The following GLMN variants were observed in gnomAD, a reference collection of about 807,000 sequenced individuals.
The protein encoded by GLMN is glomulin.
In GLMN, 75 loss-of-function variants were observed where a neutral mutation model predicts 87.8. That is an observed-to-expected ratio of 0.85 (90% CI 0.71 to 1.04). The LOEUF (loss-of-function observed/expected upper bound fraction) is 1.04, where lower values mean the gene tolerates loss of function less well. Among genes scored for constraint, GLMN ranks in the 50% least tolerant of loss-of-function variants. The pLI, the probability that GLMN is intolerant of heterozygous loss-of-function variation, is 0.00. For synonymous variants in GLMN, 206 were observed against 221.6 expected (o/e 0.93, Z 0.63); for missense variants, 588 against 658.8 (o/e 0.89, Z 1.18).
At chr1:92,303,329 A>C (rs1650991939), upstream of GLMN, among the ~76,000 whole-genome samples, 1 of 152,190 alleles carries the variant, frequency 6.6e-6, no homozygotes, top group East Asian at 1.9e-4. Context: ...ATCACTCTCA[A>C]TAAAAAGTAT....
chr1:92,368,433 A>G, the GLMN span, among the ~76,000 whole-genome samples: 1 of 152,180 alleles, frequency 6.6e-6, no homozygotes, highest in South Asian at 2.1e-4. Flanking sequence ...TCCACGAGAT[A>G]AAAAACATAG....
the GLMN span, chr1:92,323,493 A>C: frequency 1.2e-6 from 2 of 1,613,482 alleles, no homozygotes; most frequent in South Asian, 1.1e-5. Flanking sequence ...CCATTAAAAC[A>C]TCAGATATCG....
the GLMN span, chr1:92,333,565 G>C: frequency 1.2e-6 from 1 of 838,286 alleles, no homozygotes; most frequent in Non-Finnish European, 1.9e-6. Flanking sequence ...CTCAGATTTT[G>C]AACATTTTGA....
chr1:92,297,888 A>G, intron 2 of GLMN, 73 bp downstream of exon 2: 1 of 823,556 alleles, frequency 1.2e-6, no homozygotes, highest in East Asian at 2.5e-5. Context: ...AGTGACCACA[A>G]ATATAATTAA....
At chr1:92,305,686 A>G in the GLMN span, among the ~76,000 whole-genome samples, 2 of 152,138 alleles carry the variant, frequency 1.3e-5, no homozygotes, top group African/African-American at 4.8e-5. Context: ...AACTAATAGA[A>G]AAATTTACAC....
chr1:92,264,565 T>C lies in GLMN; in HGVS notation c.1288A>G (p.Met430Val). ...IIQNIKNQID[M>V]SLKRTRNNKW... The stretch of plus-strand genomic sequence containing the variant: ...GGCTATGTTCTTACCTTTAATGACA[T>C]GTCAATTTGATTTTTGATATTTTGA... The change falls in exon 14 of 19, where the codon ATG becomes GTG. Residue 430 changes from methionine (M) to valine (V), a missense_variant. Transcript: ENST00000370360. The C allele has an allele frequency of 6.6e-7, 1 of 1,516,118 alleles. No individual in the cohort carries two copies. Among genetic ancestry groups the C allele is most frequent in the Non-Finnish European group, 9.2e-7 (1 of 1,090,770 alleles). 93.9% of individuals were successfully genotyped at this position (1,516,118 alleles called of 1,614,324 possible).
Position 92,264,652 on chromosome 1 carries a change from T to G in GLMN, c.1215-14A>C, listed in dbSNP as rs181127428. ...TTCAATAAGCACCTTGAAAGCAAAA[T>G]TACAATAGATGTGAAATTATCCTGG... On this transcript the variant is annotated splice_polypyrimidine_tract_variant and intron_variant, in intron 13 of 18. Transcript: ENST00000370360. The G allele has an allele frequency of 1.3e-5, 18 of 1,352,148 alleles. No individual in the cohort carries two copies. Among genetic ancestry groups the G allele is most frequent in the Non-Finnish European group, 1.9e-5 (18 of 941,564 alleles). 83.8% of individuals were successfully genotyped at this position (1,352,148 alleles called of 1,614,324 possible). A position where few individuals can be genotyped will look rare whatever the true frequency, so the allele number is the denominator to read the frequency against.
At chr1:92,281,494 G>A (rs773887676) in intron 7 of GLMN, among the ~76,000 whole-genome samples, 7 of 152,082 alleles carry the variant, frequency 4.6e-5, no homozygotes, top group South Asian at 2.1e-4. Context: ...AGGAACGACC[G>A]GTACCAGCTA....
chr1:92,357,417 G>A, the GLMN span, among the ~76,000 whole-genome samples: 1 of 152,206 alleles, frequency 6.6e-6, no homozygotes, highest in Non-Finnish European at 1.5e-5. Context: ...GGGTTCAAAA[G>A]ACAGAAAGGA....
chr1:92,299,389 G>A (rs1477799144), upstream of GLMN, among the ~76,000 whole-genome samples: 1 of 152,164 alleles, frequency 6.6e-6, no homozygotes, highest in Non-Finnish European at 1.5e-5. Context: ...CCCAGCCTCT[G>A]AGACAAAGGA....
chr1:92,264,607 C>T lies in GLMN; in HGVS notation c.1246G>A (p.Val416Met). ...ATATTTTGAATAATAAAAGCCTCCA[C>T]ACCTGAGTGATTACTTGTATTCAAT... ...CLLNTSNHSG[V>M]EAFIIQNIKN... Residue 416 changes from valine to methionine, a missense_variant, in exon 14 of 19, where the codon GTG becomes ATG. Physicochemically the swap from Val to Met is conservative, Grantham distance 21. Transcript: ENST00000370360. 2 of 1,591,548 alleles carry T rather than the reference C, an allele frequency of 1.3e-6. No individual in the cohort carries two copies. Among genetic ancestry groups the T allele is most frequent in the Middle Eastern group, 1.7e-4 (1 of 6,002 alleles).
chr1:92,255,148 C>A (rs1654049723), intron 16 of GLMN, among the ~76,000 whole-genome samples: 1 of 150,608 alleles, frequency 6.6e-6, no homozygotes, highest in Admixed American at 6.6e-5. Context: ...CATCAAAGAT[C>A]AAAAAAGACA....
At chr1:92,299,886 G>A (rs1256400786), upstream of GLMN, among the ~76,000 whole-genome samples, 2 of 152,172 alleles carry the variant, frequency 1.3e-5, no homozygotes, top group Non-Finnish European at 2.9e-5. Context: ...GCTTAACTGC[G>A]GGGATGCATT....
the GLMN span, among the ~76,000 whole-genome samples, chr1:92,347,771 T>G: frequency 1.3e-5 from 2 of 151,518 alleles, no homozygotes; most frequent in Non-Finnish European, 2.9e-5. Flanking sequence ...CTGTTTGACT[T>G]CTTTAACTTT....
chr1:92,280,625 T>G (rs559161825), intron 7 of GLMN, among the ~76,000 whole-genome samples: 35 of 152,210 alleles, frequency 2.3e-4, no homozygotes, highest in African/African-American at 8.4e-4. Flanking sequence ...GTTTGATGAG[T>G]TGACAGAAGT....
intron 7 of GLMN, among the ~76,000 whole-genome samples, chr1:92,280,655 A>G (rs1647919707): frequency 6.6e-6 from 1 of 152,128 alleles, no homozygotes; most frequent in Non-Finnish European, 1.5e-5. Context: ...AAGGTCGGTA[A>G]TAACAAACTT....
chr1:92,264,935 G>A (rs893142757), intron 13 of GLMN, among the ~76,000 whole-genome samples: 1 of 152,166 alleles, frequency 6.6e-6, no homozygotes, highest in African/African-American at 2.4e-5. Context: ...TCCGCCTCCC[G>A]GGTTCAAGCG....
chr1:92,324,538 G>T, the GLMN span, among the ~76,000 whole-genome samples: 2 of 152,124 alleles, frequency 1.3e-5, no homozygotes, highest in South Asian at 4.1e-4. Flanking sequence ...TCCACTGTTG[G>T]CATTACTATT....
the GLMN span, among the ~76,000 whole-genome samples, chr1:92,350,803 A>T: frequency 6.6e-6 from 1 of 152,200 alleles, no homozygotes; most frequent in African/African-American, 2.4e-5. Context: ...ATGGTGGGGC[A>T]TGCCTATAGT....
Sources: allele counts gnomAD v4.1 joint callset (sites outside exome capture counted in the v4.1 genomes callset), GRCh38; gene constraint gnomAD v4.1.1; transcripts MANE v1.5; gene names NCBI Gene and HGNC (gene_info 2026-07-23, HGNC 2026-07-21).